The following RACGAP1 variants were observed in gnomAD, a reference collection of about 807,000 sequenced individuals.
RACGAP1 encodes the protein Rac GTPase activating protein 1.
A neutral mutation model predicts 78.1 loss-of-function variants in RACGAP1; 30 were observed. The observed-to-expected ratio is 0.38, with a 90% CI of 0.29 to 0.52. RACGAP1 has a LOEUF of 0.52. RACGAP1 is among the 20% of genes least tolerant of loss of function. The pLI is 0.82. For missense variants in RACGAP1, 587 were observed against 777.1 expected (o/e 0.76, Z 2.91); for synonymous variants, 231 against 264.8 (o/e 0.87, Z 1.24).
intron 10 of RACGAP1, among the ~76,000 whole-genome samples, chr12:49,996,403 C>T (rs567304112): frequency 2.6e-5 from 4 of 151,272 alleles, no homozygotes; most frequent in African/African-American, 7.3e-5. Context: ...CTGAGGTGGG[C>T]GGATCACTTG....
chr12:50,032,540 T>A (rs993258450), intron 1 of RACGAP1, among the ~76,000 whole-genome samples: 3 of 146,116 alleles, frequency 2.1e-5, no homozygotes, highest in Non-Finnish European at 4.6e-5. Context: ...AAGGTGAGTG[T>A]GTGTGTGTGT....
At chr12:50,020,766 GAAACAGCA>G (rs1288205830) in intron 1 of RACGAP1, among the ~76,000 whole-genome samples, 2 of 152,128 alleles carry the variant, frequency 1.3e-5, no homozygotes, top group Non-Finnish European at 2.9e-5. Flanking sequence ...AAGAATCAAG[GAAACAGCA>G]AAATTTGGCC....
chr12:50,018,233 T>G (rs1949792675), intron 1 of RACGAP1, among the ~76,000 whole-genome samples: 1 of 151,690 alleles, frequency 6.6e-6, no homozygotes, highest in African/African-American at 2.4e-5. Context: ...ACATTTATAC[T>G]CATATGATAA....
intron 2 of RACGAP1, among the ~76,000 whole-genome samples, chr12:50,014,517 T>C (rs1223545959): frequency 6.6e-6 from 1 of 152,170 alleles, no homozygotes; most frequent in East Asian, 1.9e-4. Context: ...CAAGTGATAC[T>C]TCAGCCTCCT....
intron 9 of RACGAP1, among the ~76,000 whole-genome samples, chr12:49,998,420 AAAAG>A (rs1432084820): frequency 6.6e-6 from 1 of 152,030 alleles, no homozygotes; most frequent in East Asian, 1.9e-4. Flanking sequence ...AAAAAAGAAA[AAAAG>A]AAAACCTGGA....
intron 1 of RACGAP1, among the ~76,000 whole-genome samples, chr12:50,022,615 A>G (rs942143067): frequency 1.3e-5 from 2 of 152,152 alleles, no homozygotes; most frequent in African/African-American, 4.8e-5. Flanking sequence ...AAAACAAAAA[A>G]TTAATAGCAA....
intron 2 of RACGAP1, chr12:50,031,570 C>T (rs1032573642): frequency 4.5e-6 from 2 of 445,970 alleles, no homozygotes; most frequent in Non-Finnish European, 5.9e-6. Flanking sequence ...GCCCAACCCT[C>T]GTTTGCAGTT....
chr12:50,011,206 C>G (rs777541113), intron 2 of RACGAP1, among the ~76,000 whole-genome samples: 1 of 149,954 alleles, frequency 6.7e-6, no homozygotes, highest in East Asian at 2.0e-4. Context: ...TGGTGGCATG[C>G]GCCTGTAATC....
chr12:49,998,627 C>T (rs1565668551), intron 9 of RACGAP1, among the ~76,000 whole-genome samples: 1 of 152,006 alleles, frequency 6.6e-6, no homozygotes, highest in Non-Finnish European at 1.5e-5. Context: ...GGGCCAGGCA[C>T]AGTAGCTCAT....
At chr12:50,024,061 T>A (rs1348723582) in intron 1 of RACGAP1, among the ~76,000 whole-genome samples, 1 of 151,696 alleles carries the variant, frequency 6.6e-6, no homozygotes, top group Non-Finnish European at 1.5e-5. Flanking sequence ...CTCGGGAGGC[T>A]GAGGCAGGAG....
At chr12:49,990,405 A>G in intron 16 of RACGAP1, 62 bp from the exon 17 acceptor site, 2 of 1,396,042 alleles carry the variant, frequency 1.4e-6, no homozygotes, top group Non-Finnish European at 2.0e-6. Context: ...ATAAACAACT[A>G]TAATATTACT....
chr12:50,023,377 T>A (rs1277521923), intron 1 of RACGAP1, among the ~76,000 whole-genome samples: 3 of 152,238 alleles, frequency 2.0e-5, no homozygotes, highest in Non-Finnish European at 4.4e-5. Context: ...TAACTGCACA[T>A]TCTTTAAGAC....
In RACGAP1 at chr12:49,990,231, G is replaced by C. The variant is rs370026006; in HGVS notation, c.*37C>G. 8 of 1,550,042 alleles carry C rather than the reference G, an allele frequency of 5.2e-6. No homozygotes were observed. The South Asian group carries it at 8.9e-5, about 17-fold the overall frequency. On this transcript the variant is annotated 3_prime_UTR_variant, in exon 17 of 17. Coordinates refer to ENST00000312377, the MANE Select transcript of RACGAP1 (RefSeq NM_001319999.2). ...GAGTACAGATGTGTCCTTTCTTATA[G>C]TCAGTCAATGCTGGGAAGTAACAGG...
chr12:49,990,887 A>C, intron 15 of RACGAP1, 95 bp from the exon 16 acceptor site: 7 of 883,442 alleles, frequency 7.9e-6, no homozygotes, highest in Non-Finnish European at 1.3e-5. Flanking sequence ...TGAAGCACTT[A>C]AGAGCTAAGG....
chr12:50,005,517 G>T, intron 3 of RACGAP1, 125 bp from the exon 4 acceptor site: 1 of 1,051,798 alleles, frequency 9.5e-7, no homozygotes, highest in Non-Finnish European at 1.4e-6. Context: ...CTTCAGGAAG[G>T]CTGCTACACC....
chr12:50,026,778 C>T (rs967649987), upstream of RACGAP1, among the ~76,000 whole-genome samples: 3 of 152,196 alleles, frequency 2.0e-5, no homozygotes, highest in Non-Finnish European at 1.5e-5. Flanking sequence ...AATATGAACT[C>T]CTACACTCAA....
chr12:50,002,109 C>A, intron 6 of RACGAP1, 138 bp downstream of exon 6: 1 of 552,638 alleles, frequency 1.8e-6, no homozygotes, highest in South Asian at 2.9e-5. Flanking sequence ...ATACTGTCCC[C>A]ACAGCATGAA....
At chr12:49,998,480 A>C (rs999910872) in intron 9 of RACGAP1, among the ~76,000 whole-genome samples, 1 of 152,208 alleles carries the variant, frequency 6.6e-6, no homozygotes, top group Non-Finnish European at 1.5e-5. Context: ...AATGTCAGTT[A>C]ACTCCTCTGA....
In RACGAP1 at chr12:50,006,600, C is replaced by T. The variant is rs558989049; in HGVS notation, c.122G>A (p.Arg41His). 1.9e-5 allele frequency: 30 copies of T among 1,614,120 alleles called. No individual in the cohort carries two copies. The highest frequency in any genetic ancestry group is 3.3e-4 in the Middle Eastern group (2 of 6,062). ...IQLAKDFEDF[R>H]KKWQRTDHEL... ...ATGGTCAGTCCTCTGCCACTTTTTA[C>T]GGAAATCCTCAAAGTCCTTCGCCAA... is the stretch of plus-strand genomic sequence containing the variant. The change falls in exon 3 of 17, where the codon CGT becomes CAT. Residue 41 changes from arginine to histidine, a missense_variant. Physicochemically the swap from Arg to His is conservative, Grantham distance 29. Coordinates refer to ENST00000312377, the MANE Select transcript of RACGAP1 (RefSeq NM_001319999.2).
Sources: gnomAD v4.1 joint callset for allele counts (sites outside exome capture counted in the v4.1 genomes callset) on GRCh38, gnomAD v4.1.1 for gene constraint, MANE v1.5 for transcripts, NCBI Gene and HGNC (gene_info 2026-07-23, HGNC 2026-07-21) for gene names.